CERCAM: variants seen among roughly 807,000 people sequenced by gnomAD.
The protein encoded by CERCAM is inactive glycosyltransferase 25 family member 3.
CERCAM carries 59 observed loss-of-function variants against 66.0 expected under a neutral mutation model. The observed-to-expected ratio is 0.89, with a 90% CI of 0.73 to 1.11. The LOEUF is 1.11. Among genes scored for constraint, CERCAM ranks in the 50% most tolerant of loss-of-function variants. CERCAM has a pLI of 0.00. For synonymous variants in CERCAM, 318 were observed against 343.6 expected (o/e 0.93, Z 0.83); for missense variants, 840 against 828.3 (o/e 1.01, Z -0.17).
upstream of CERCAM, among the ~76,000 whole-genome samples, chr9:128,419,431 AG>A (rs1833660085): frequency 1.3e-5 from 2 of 152,098 alleles, no homozygotes; most frequent in Non-Finnish European, 1.5e-5. Context: ...GGGAGGGTGA[AG>A]GGGGAGCCTC....
intron 3 of CERCAM, 102 bp downstream of exon 3, chr9:128,423,365 C>T (rs2131327417): frequency 1.0e-6 from 1 of 984,852 alleles, no homozygotes. Flanking sequence ...GCCTATAATC[C>T]TAGCACTTTG....
chr9:128,435,937 C>A (rs761701948), intron 12 of CERCAM, 32 bp downstream of exon 12: 1 of 1,566,930 alleles, frequency 6.4e-7, no homozygotes, highest in African/African-American at 1.3e-5. Context: ...GCCCCAGCCC[C>A]GTAGACCTTG....
chr9:128,429,075 G>A (rs1239436999), intron 8 of CERCAM, 39 bp downstream of exon 8: 4 of 1,461,748 alleles, frequency 2.7e-6, no homozygotes, highest in Non-Finnish European at 2.8e-6. Flanking sequence ...TGCGCTTGGG[G>A]AAGCAGTGTG....
rs58288946 is a variant in CERCAM, at chr9:128,423,543, G to T, written c.426+280G>T. Among the ~76,000 whole-genome samples, 29,161 of 151,488 alleles carry T rather than the reference G, an allele frequency of 0.19. 3,006 individuals are homozygous for T. The highest frequency in any genetic ancestry group is 0.35 in the East Asian group (1,792 of 5,136). ...GAGGCATGAGAATGGCATGAACCTG[G>T]GAGGTAGAGGTTGCACTGAGCTGAA... On this transcript the variant is annotated intron_variant, in intron 3 of 12. Coordinates refer to ENST00000372838, the MANE Select transcript of CERCAM (RefSeq NM_016174.5).
chr9:128,435,983 G>A (rs2131346529), intron 12 of CERCAM, 78 bp downstream of exon 12: 1 of 1,434,154 alleles, frequency 7.0e-7, no homozygotes, highest in Non-Finnish European at 9.2e-7. Flanking sequence ...ACTGTGTCTG[G>A]GGCTGTTTTC....
upstream of CERCAM, chr9:128,419,182 T>C (rs1030869832): frequency 2.0e-5 from 3 of 152,284 alleles, no homozygotes; most frequent in Admixed American, 6.5e-5. Flanking sequence ...AGAAATGGCC[T>C]CAAATGGAAG....
At chr9:128,423,011 A>T (rs747241373) in intron 2 of CERCAM, 33 bp downstream of exon 2, 15 of 1,613,130 alleles carry the variant, frequency 9.3e-6, no homozygotes, top group Non-Finnish European at 1.2e-5. Flanking sequence ...GCTGGGGAAG[A>T]TGGAGAACAG....
chr9:128,432,416 G>A (rs1324289560), intron 9 of CERCAM, among the ~76,000 whole-genome samples: 3 of 124,804 alleles, frequency 2.4e-5, no homozygotes, highest in African/African-American at 9.3e-5. Context: ...ACAGGGTATT[G>A]CTCTGGCACC....
At chr9:128,421,334 C>T in intron 1 of CERCAM, 1 of 1,205,006 alleles carries the variant, frequency 8.3e-7, no homozygotes. Context: ...CCTCTTGGGG[C>T]CTTCCCTGGG....
intron 5 of CERCAM, among the ~76,000 whole-genome samples, chr9:128,425,864 C>G (rs1421030629): frequency 2.7e-5 from 4 of 147,556 alleles, no homozygotes; most frequent in South Asian, 2.2e-4. Flanking sequence ...CTGTGGCTCC[C>G]AGGCTAGAGT....
chr9:128,421,616 AG>A (rs1833711594), intron 1 of CERCAM: 1 of 796,974 alleles, frequency 1.3e-6, no homozygotes, highest in Non-Finnish European at 1.5e-6. Flanking sequence ...ATCTTGGTAG[AG>A]GGGCGGGATC....
upstream of CERCAM, chr9:128,420,846 C>A: frequency 8.8e-7 from 1 of 1,142,662 alleles, no homozygotes; most frequent in Non-Finnish European, 1.1e-6. This position sits in a 1 kb window ranked among gnomAD's most constrained non-coding sequence, Gnocchi z 5.0. Flanking sequence ...CCGAGAGCTC[C>A]GGGGGCCGCT....
At chr9:128,420,851 G>T, upstream of CERCAM, 1 of 1,162,010 alleles carries the variant, frequency 8.6e-7, no homozygotes, top group Non-Finnish European at 1.1e-6. The surrounding 1 kb of genome is among the most constrained non-coding windows in gnomAD (Gnocchi z 5.0). Flanking sequence ...AGCTCCGGGG[G>T]CCGCTGCAGC....
chr9:128,432,801 T>C (rs1463692177), intron 9 of CERCAM, among the ~76,000 whole-genome samples: 1 of 152,198 alleles, frequency 6.6e-6, no homozygotes, highest in Non-Finnish European at 1.5e-5. Flanking sequence ...CTTTTGGATA[T>C]TCGGGGCTGG....
At chr9:128,421,333 G>T in intron 1 of CERCAM, 3 of 1,205,064 alleles carry the variant, frequency 2.5e-6, no homozygotes, top group Non-Finnish European at 2.1e-6. Flanking sequence ...TCCTCTTGGG[G>T]CCTTCCCTGG....
At chr9:128,421,437 G>GCAGACAGGAAC in intron 1 of CERCAM, 1 of 1,030,170 alleles carries the variant, frequency 9.7e-7, no homozygotes, top group Non-Finnish European at 1.2e-6. Context: ...TTGAAGAGGA[G>GCAGACAGGAAC]CAGACAGGAA....
chr9:128,428,239 C>T, intron 5 of CERCAM, 63 bp from the exon 6 acceptor site: 8 of 1,584,766 alleles, frequency 5.0e-6, no homozygotes, highest in South Asian at 1.2e-5. Context: ...GGCCTAGGAC[C>T]TTTCAGCTGG....
chr9:128,420,378 G>C (rs1833678220), upstream of CERCAM: 1 of 152,282 alleles, frequency 6.6e-6, no homozygotes, highest in African/African-American at 2.4e-5. This position sits in a 1 kb window ranked among gnomAD's most constrained non-coding sequence, Gnocchi z 5.0. Flanking sequence ...GGGCGCCCGG[G>C]GCGGAGGATG....
In CERCAM at chr9:128,429,701, ACTC is replaced by A. The variant is rs201391887; in HGVS notation, c.1070+668_1070+670del. Among the ~76,000 whole-genome samples, 1,363 of 151,752 alleles carry A rather than the reference ACTC, an allele frequency of 9.0e-3. 18 individuals carry two copies. Among genetic ancestry groups the A allele is most frequent in the African/African-American group, 0.031 (1,277 of 41,384 alleles). On this transcript the variant is annotated intron_variant, in intron 8 of 12. Transcript: ENST00000372838. ...CAAACATGGCTCACTGCTGCCTTAA[ACTC>A]CTGGGCTCAAGTAATCCTCCCACCT...
Sources: allele counts gnomAD v4.1 joint callset (sites outside exome capture counted in the v4.1 genomes callset), GRCh38; gene constraint gnomAD v4.1.1; non-coding constraint Gnocchi (gnomAD v3.1); transcripts MANE v1.5; gene names NCBI Gene and HGNC (gene_info 2026-07-23, HGNC 2026-07-21).